Variants in TFCP2L1 observed in about 807,000 individuals in gnomAD.
The protein encoded by TFCP2L1 is transcription factor CP2 like 1.
A neutral mutation model predicts 72.2 loss-of-function variants in TFCP2L1; 12 were observed. The observed-to-expected ratio is 0.17, with a 90% CI of 0.11 to 0.27. The LOEUF is 0.27. Ranked by LOEUF, TFCP2L1 falls within the 10% of genes least tolerant of loss-of-function variation. The pLI is 1.00. For synonymous variants in TFCP2L1, 260 were observed against 251.0 expected, an observed-to-expected ratio of 1.04 and a Z score of -0.34; for missense variants, 488 against 624.6, an observed-to-expected ratio of 0.78 and a Z score of 2.33.
chr2:121,242,207 C>T (rs1686387888), intron 7 of TFCP2L1, 152 bp downstream of exon 7: 3 of 598,354 alleles, frequency 5.0e-6, no homozygotes, highest in Admixed American at 2.7e-5. Flanking sequence ...ATCAGATGAA[C>T]ACGAGCTCCA....
Position 121,225,548 on chromosome 2 carries a change from G to T in TFCP2L1, c.1393+14C>A, listed in dbSNP as rs763788717. On this transcript the variant is annotated intron_variant, in intron 14 of 14. Transcript: ENST00000263707. ...TGCCCCCACAACTACCCTAGGGGGA[G>T]GGGGAGGCTTCACCTTTAATTGTGC... 1.2e-6 allele frequency: 2 copies of T among 1,613,542 alleles called. No individual in the cohort carries two copies. Among genetic ancestry groups the T allele is most frequent in the Non-Finnish European group, 1.7e-6 (2 of 1,179,760 alleles).
At chr2:121,268,056 G>A (rs1038001937) in intron 2 of TFCP2L1, among the ~76,000 whole-genome samples, 1 of 152,132 alleles carries the variant, frequency 6.6e-6, no homozygotes, top group African/African-American at 2.4e-5. Context: ...AGACTGCAGT[G>A]AGCTACGATC....
intron 13 of TFCP2L1, among the ~76,000 whole-genome samples, chr2:121,228,556 T>C (rs1470486603): frequency 6.6e-6 from 1 of 151,050 alleles, no homozygotes; most frequent in Non-Finnish European, 1.5e-5. Flanking sequence ...GCCCAGGAGT[T>C]CAAGACCAGC....
intron 13 of TFCP2L1, among the ~76,000 whole-genome samples, chr2:121,228,010 G>A (rs1686064026): frequency 6.6e-6 from 1 of 152,256 alleles, no homozygotes; most frequent in Non-Finnish European, 1.5e-5. Flanking sequence ...TAACTCTCTT[G>A]TTTAATGAAG....
intron 2 of TFCP2L1, among the ~76,000 whole-genome samples, chr2:121,266,032 A>C (rs889734227): frequency 7.9e-5 from 12 of 151,810 alleles, no homozygotes; most frequent in African/African-American, 2.9e-4. Context: ...CACCTGGCTA[A>C]TTTTTATATT....
chr2:121,229,044 C>T (rs942044919), intron 13 of TFCP2L1, among the ~76,000 whole-genome samples: 1 of 152,040 alleles, frequency 6.6e-6, no homozygotes, highest in Non-Finnish European at 1.5e-5. Context: ...CTCAGCCTCC[C>T]GAATAGCTGG....
chr2:121,242,259 T>G lies in TFCP2L1; in HGVS notation c.768+100A>C, dbSNP rs931021724. The G allele has an allele frequency of 2.4e-5, 23 of 972,860 alleles. No individual in the cohort carries two copies. The Admixed American group carries it at 3.3e-4, about 14-fold the overall frequency. The allele number at this position is 972,860 out of a possible 1,614,324, so 60.3% of individuals were successfully genotyped here. ...ACAACAGAATAAGCACTCTCAGAAG[T>G]AGTCACCCGAGATGGGCGATTTTCC... On this transcript the variant is annotated intron_variant, in intron 7 of 14. Coordinates refer to ENST00000263707, the MANE Select transcript of TFCP2L1 (RefSeq NM_014553.3).
intron 8 of TFCP2L1, among the ~76,000 whole-genome samples, chr2:121,239,312 GCACCCTCAAGCCAGTCCTGGTTT>G (rs1437686497): frequency 6.6e-6 from 1 of 152,222 alleles, no homozygotes; most frequent in Non-Finnish European, 1.5e-5. Flanking sequence ...CTGACCGCAT[GCACCCTCAAGCCAGTCCTGGTTT>G]CACCAGGTAA....
At chr2:121,266,479 C>G (rs1180676968) in intron 2 of TFCP2L1, among the ~76,000 whole-genome samples, 1 of 152,160 alleles carries the variant, frequency 6.6e-6, no homozygotes, top group African/African-American at 2.4e-5. Context: ...GTCCTCTCCT[C>G]CAGCCCCACT....
intron 2 of TFCP2L1, among the ~76,000 whole-genome samples, chr2:121,252,809 G>C (rs1472007153): frequency 6.6e-6 from 1 of 152,168 alleles, no homozygotes; most frequent in African/African-American, 2.4e-5. Flanking sequence ...GTAGCAACTT[G>C]TTACAGCAGC....
chr2:121,244,602 G>A (rs1346137853), intron 6 of TFCP2L1, among the ~76,000 whole-genome samples: 2 of 152,158 alleles, frequency 1.3e-5, no homozygotes, highest in Non-Finnish European at 2.9e-5. Context: ...GAGCCTGGTA[G>A]ACAGAGCCCC....
At chr2:121,242,305 C>A in intron 7 of TFCP2L1, 54 bp downstream of exon 7, 1 of 1,486,180 alleles carries the variant, frequency 6.7e-7, no homozygotes, top group South Asian at 1.1e-5. Flanking sequence ...ACCAGCAGCC[C>A]TGCTCCTGGT....
At chr2:121,246,046 T>C (rs1686473522) in intron 6 of TFCP2L1, among the ~76,000 whole-genome samples, 1 of 152,152 alleles carries the variant, frequency 6.6e-6, no homozygotes, top group Non-Finnish European at 1.5e-5. Flanking sequence ...AGGAGGTGGG[T>C]CCACTCCTTC....
chr2:121,239,731 C>A, intron 7 of TFCP2L1, 82 bp from the exon 8 acceptor site: 1 of 1,317,906 alleles, frequency 7.6e-7, no homozygotes, highest in Non-Finnish European at 1.1e-6. Flanking sequence ...CAGGCATGCA[C>A]TGACACCAAT....
chr2:121,259,201 T>G (rs1214911077), intron 2 of TFCP2L1, among the ~76,000 whole-genome samples: 1 of 151,814 alleles, frequency 6.6e-6, no homozygotes, highest in African/African-American at 2.4e-5. Flanking sequence ...GACAATCACT[T>G]GAATCCAGGA....
chr2:121,281,169 C>T lies in TFCP2L1; in HGVS notation c.165G>A (p.Thr55=), dbSNP rs534659671. Residue 55 remains threonine (T), a synonymous_variant, in exon 2 of 15, where the codon ACG becomes ACA. Coordinates refer to ENST00000263707, the MANE Select transcript of TFCP2L1 (RefSeq NM_014553.3). ...PPLQYVLCAA[T]SPAVKLHEET... ...CTTCATGCAGCTTCACGGCTGGGGACGTGGCAGCACACAACACATATTGCA... is the reference window on the plus strand; with the variant it reads ...CTTCATGCAGCTTCACGGCTGGGGATGTGGCAGCACACAACACATATTGCA... 19 of 1,613,690 alleles carry T rather than the reference C, an allele frequency of 1.2e-5. No individual in the cohort carries two copies. The highest frequency in any genetic ancestry group is 9.9e-5 in the South Asian group (9 of 91,062).
intron 10 of TFCP2L1, 145 bp downstream of exon 10, chr2:121,237,478 C>G (rs954017294): frequency 1.1e-6 from 1 of 886,848 alleles, no homozygotes; most frequent in South Asian, 1.6e-5. Context: ...GGTTGGGGCA[C>G]GTGAGCGAGC....
intron 6 of TFCP2L1, among the ~76,000 whole-genome samples, chr2:121,242,690 T>C (rs529884805): frequency 9.9e-5 from 15 of 152,238 alleles, no homozygotes; most frequent in East Asian, 7.7e-4. Context: ...GGGGAAAAGA[T>C]TGTTTCCCAT....
At chr2:121,242,309 T>G (rs1686391132) in intron 7 of TFCP2L1, 50 bp downstream of exon 7, 2 of 1,520,318 alleles carry the variant, frequency 1.3e-6, no homozygotes, top group Non-Finnish European at 1.8e-6. Flanking sequence ...GCAGCCCTGC[T>G]CCTGGTGGAA....
Sources: allele counts gnomAD v4.1 joint callset (sites outside exome capture counted in the v4.1 genomes callset), GRCh38; gene constraint gnomAD v4.1.1; transcripts MANE v1.5; gene names NCBI Gene and HGNC (gene_info 2026-07-23, HGNC 2026-07-21).